The following DNAJC5 variants were observed in gnomAD, a reference collection of about 807,000 sequenced individuals.
DNAJC5 encodes the protein dnaJ homolog subfamily C member 5.
A neutral mutation model predicts 23.2 loss-of-function variants in DNAJC5; 1 was observed. The ratio of observed to expected loss-of-function variants is 0.04; its 90% confidence interval spans 0.02 to 0.20. DNAJC5 has a LOEUF of 0.20. Among genes scored for constraint, DNAJC5 ranks in the 10% least tolerant of loss-of-function variants. The probability of loss-of-function intolerance (pLI) is 1.00; values close to 1 mark genes in which losing one functional copy is unlikely to be tolerated. For synonymous variants in DNAJC5, 136 were observed against 120.0 expected, an observed-to-expected ratio of 1.13 and a Z score of -0.87; for missense variants, 180 against 267.0, an observed-to-expected ratio of 0.67 and a Z score of 2.27.
Position 63,929,571 on chromosome 20 carries a change from C to T in DNAJC5, c.321+46C>T, listed in dbSNP as rs372259352. On this transcript the variant is annotated intron_variant, in intron 3 of 4. Transcript: ENST00000360864. The surrounding 1 kb of genome is among the most constrained non-coding windows in gnomAD (Gnocchi z 8.6). ...GTGCGGGCACCCGAGTCACTCCTGC[C>T]GTGCGGGCACCCGAGTCTCTCCTGC... 1.4e-5 allele frequency: 22 copies of T among 1,601,508 alleles called. No individual in the cohort carries two copies. Among genetic ancestry groups the T allele is most frequent in the East Asian group, 2.2e-5 (1 of 44,674 alleles).
intron 1 of DNAJC5, among the ~76,000 whole-genome samples, chr20:63,918,636 C>T (rs948876246): frequency 6.6e-6 from 1 of 152,204 alleles, no homozygotes; most frequent in Non-Finnish European, 1.5e-5. Context: ...CGCTCTGTCA[C>T]CCATGCTGGA....
intron 1 of DNAJC5, among the ~76,000 whole-genome samples, chr20:63,927,028 C>A (rs1776060821): frequency 6.6e-6 from 1 of 152,182 alleles, no homozygotes; most frequent in Non-Finnish European, 1.5e-5. Context: ...TCCTGGGTTT[C>A]CAGTTTGTAG....
intron 1 of DNAJC5, among the ~76,000 whole-genome samples, chr20:63,907,827 G>A (rs895904518): frequency 6.6e-6 from 1 of 152,164 alleles, no homozygotes; most frequent in South Asian, 2.1e-4. Flanking sequence ...GTGCAGTGGC[G>A]CGATCTCGGC....
intron 1 of DNAJC5, among the ~76,000 whole-genome samples, chr20:63,917,468 G>C (rs2053522547): frequency 6.6e-6 from 1 of 152,122 alleles, no homozygotes; most frequent in South Asian, 2.1e-4. Flanking sequence ...GTCCAGGCTG[G>C]TCTCAAACTC....
chr20:63,930,768 TCTG>T, intron 3 of DNAJC5, 80 bp from the exon 4 acceptor site: 1 of 1,604,430 alleles, frequency 6.2e-7, no homozygotes, highest in Non-Finnish European at 8.5e-7. Flanking sequence ...CCCCCTGCCT[TCTG>T]CTGAGGGCAT....
Position 63,931,351 on chromosome 20 carries a change from A to G in DNAJC5, c.494-114A>G. Reference sequence around the variant, plus strand: ...CCGTGTGGGGTGGAGGTCAGCGAGTAGCCTCTCCCGGTGGAGAGTTTGTCC... The same window carrying G: ...CCGTGTGGGGTGGAGGTCAGCGAGTGGCCTCTCCCGGTGGAGAGTTTGTCC... On this transcript the variant is annotated intron_variant, in intron 4 of 4. Transcript: ENST00000360864. The surrounding 1 kb of genome is among the most constrained non-coding windows in gnomAD (Gnocchi z 9.6). 9.5e-7 allele frequency: 1 copy of G among 1,050,038 alleles called. No homozygotes were observed. Among genetic ancestry groups the G allele is most frequent in the Non-Finnish European group, 1.4e-6 (1 of 705,706 alleles). 65.0% of individuals were successfully genotyped at this position (1,050,038 alleles called of 1,614,324 possible). A position where few individuals can be genotyped will look rare whatever the true frequency, so the allele number is the denominator to read the frequency against.
At chr20:63,899,830 CTT>C (rs1457569977) in intron 1 of DNAJC5, among the ~76,000 whole-genome samples, 32 of 149,848 alleles carry the variant, frequency 2.1e-4, no homozygotes, top group Admixed American at 4.0e-4. Flanking sequence ...ATCCGCCCAT[CTT>C]GGCCTCCCAA....
chr20:63,928,480 C>G lies in DNAJC5; in HGVS notation c.107+28C>G. ...AAGTGGACAAGTGTGGCCCCCACAT[C>G]CCCCCAGGAAGACACACATGCCCCG... On this transcript the variant is annotated intron_variant, in intron 2 of 4. Transcript: ENST00000360864. The surrounding 1 kb of genome is among the most constrained non-coding windows in gnomAD (Gnocchi z 4.6). The G allele has an allele frequency of 6.4e-7, 1 of 1,572,828 alleles. No homozygotes were observed. The highest frequency in any genetic ancestry group is 8.8e-7 in the Non-Finnish European group (1 of 1,142,652).
At chr20:63,917,024 T>C (rs1223437612) in intron 1 of DNAJC5, among the ~76,000 whole-genome samples, 1 of 152,230 alleles carries the variant, frequency 6.6e-6, no homozygotes, top group Non-Finnish European at 1.5e-5. Flanking sequence ...TTTGTACAGT[T>C]AACACAATTA....
intron 1 of DNAJC5, among the ~76,000 whole-genome samples, chr20:63,907,806 G>A (rs141560526): frequency 0.018 from 2,730 of 152,250 alleles, 81 homozygotes; most frequent in African/African-American, 0.062. Context: ...TCGCTCTGTC[G>A]ACAGGCTGGA....
chr20:63,910,561 G>C (rs1260338954), intron 1 of DNAJC5, among the ~76,000 whole-genome samples: 1 of 151,950 alleles, frequency 6.6e-6, no homozygotes, highest in Non-Finnish European at 1.5e-5. Flanking sequence ...AAAGTGATGT[G>C]CGCTTGGGAC....
At chr20:63,899,716 G>C (rs1034097287) in intron 1 of DNAJC5, among the ~76,000 whole-genome samples, 1 of 151,942 alleles carries the variant, frequency 6.6e-6, no homozygotes. Flanking sequence ...CGAGTAGCTG[G>C]GACTACAGGC....
chr20:63,901,599 A>T (rs1006901306), intron 1 of DNAJC5, among the ~76,000 whole-genome samples: 1 of 152,204 alleles, frequency 6.6e-6, no homozygotes, highest in African/African-American at 2.4e-5. Context: ...TCTACCCCGG[A>T]CGAGGCTGCA....
rs747807190 is a variant in DNAJC5 at position 63,931,074 on chromosome 20, G to A, written c.493+52G>A. On this transcript the variant is annotated intron_variant, in intron 4 of 4. Coordinates refer to ENST00000360864, the MANE Select transcript of DNAJC5 (RefSeq NM_025219.3). This position sits in a 1 kb window ranked among gnomAD's most constrained non-coding sequence, Gnocchi z 9.6. ...GTGTGTGTGGGGCAGAGCCAGAATG[G>A]GCCCTGAATGGTGTCAACCTGTCTT... 1.3e-6 allele frequency: 2 copies of A among 1,576,656 alleles called. No homozygotes were observed.
In DNAJC5 at chr20:63,929,210, C is replaced by G. The variant is rs1385082170; in HGVS notation, c.108-102C>G. The stretch of plus-strand genomic sequence containing the variant: ...AGTGAGGTGGCCTGGGTGGACCTGC[C>G]TTCCACTGCACCCGGCAGTGCGTGC... On this transcript the variant is annotated intron_variant, in intron 2 of 4. Coordinates refer to ENST00000360864, the MANE Select transcript of DNAJC5 (RefSeq NM_025219.3). The surrounding 1 kb of genome is among the most constrained non-coding windows in gnomAD (Gnocchi z 8.6). 3.6e-6 allele frequency: 5 copies of G among 1,386,378 alleles called. No individual in the cohort carries two copies. Among genetic ancestry groups the G allele is most frequent in the Non-Finnish European group, 5.0e-6 (5 of 998,374 alleles). The allele number at this position is 1,386,378 out of a possible 1,614,324, so 85.9% of individuals were successfully genotyped here.
At chr20:63,905,691 T>C (rs901094708) in intron 1 of DNAJC5, among the ~76,000 whole-genome samples, 16 of 150,970 alleles carry the variant, frequency 1.1e-4, no homozygotes, top group Middle Eastern at 3.5e-3. Flanking sequence ...TGCCTCAGCC[T>C]CCCGAGTAGC....
intron 1 of DNAJC5, among the ~76,000 whole-genome samples, chr20:63,927,938 A>T (rs763603845): frequency 1.3e-4 from 20 of 152,026 alleles, no homozygotes; most frequent in East Asian, 1.2e-3. Flanking sequence ...TTAATTAATT[A>T]ATTTATTTTG....
chr20:63,898,342 G>A (rs962553580), intron 1 of DNAJC5, among the ~76,000 whole-genome samples: 5 of 152,186 alleles, frequency 3.3e-5, no homozygotes, highest in Non-Finnish European at 5.9e-5. Context: ...AGGTGAATGT[G>A]ATACCCAGTT....
chr20:63,900,636 A>G (rs1237420951), intron 1 of DNAJC5, among the ~76,000 whole-genome samples: 3 of 151,196 alleles, frequency 2.0e-5, no homozygotes. Context: ...CCTCCTCAGG[A>G]CAGACCTGCA....
Sources: gnomAD v4.1 joint callset for allele counts (sites outside exome capture counted in the v4.1 genomes callset) on GRCh38, gnomAD v4.1.1 for gene constraint, Gnocchi (gnomAD v3.1) non-coding constraint, MANE v1.5 for transcripts, NCBI Gene and HGNC (gene_info 2026-07-23, HGNC 2026-07-21) for gene names.